Variants in CCDC171 observed in about 807,000 individuals in gnomAD.
CCDC171 encodes the protein coiled-coil domain-containing protein 171.
In CCDC171, 177 loss-of-function variants were observed where a neutral mutation model predicts 168.2. That is an observed-to-expected ratio of 1.05 (90% confidence interval 0.93 to 1.19). The LOEUF is 1.19. CCDC171 is among the 50% of genes most tolerant of loss of function. CCDC171 has a pLI of 0.00. For missense variants in CCDC171, 1,991 were observed against 1,539.0 expected (o/e 1.29, Z -4.91); for synonymous variants, 687 against 540.8 (o/e 1.27, Z -3.75).
intron 11 of CCDC171, among the ~76,000 whole-genome samples, chr9:15,698,759 C>G (rs2051431588): frequency 6.6e-6 from 1 of 152,020 alleles, no homozygotes; most frequent in South Asian, 2.1e-4. Context: ...TGCTGTGTTG[C>G]TCAGGATAGC....
intron 3 of CCDC171, among the ~76,000 whole-genome samples, 169 bp from the exon 4 acceptor site, chr9:15,578,680 G>A (rs1172417869): frequency 6.6e-6 from 1 of 151,516 alleles, no homozygotes; most frequent in Non-Finnish European, 1.5e-5. Context: ...AACATAATGG[G>A]TGTCATTTTG....
At chr9:15,908,763 G>A (rs2131788647) in intron 24 of CCDC171, among the ~76,000 whole-genome samples, 1 of 152,316 alleles carries the variant, frequency 6.6e-6, no homozygotes, top group Non-Finnish European at 1.5e-5. Context: ...GATTCTGGCA[G>A]AAGGTGAATG....
chr9:15,851,217 T>C (rs1478755821), intron 23 of CCDC171, among the ~76,000 whole-genome samples: 2 of 151,934 alleles, frequency 1.3e-5, no homozygotes, highest in African/African-American at 4.8e-5. Context: ...ATACTACAAC[T>C]ATATTACACA....
At chr9:15,579,057 GT>G in intron 4 of CCDC171, 34 bp downstream of exon 4, 1 of 1,558,586 alleles carries the variant, frequency 6.4e-7, no homozygotes, top group South Asian at 1.1e-5. Context: ...CAAGTTTAGG[GT>G]TGTAACCTGA....
chr9:15,593,960 C>A (rs1587242534), intron 5 of CCDC171, 81 bp from the exon 6 acceptor site: 6 of 896,804 alleles, frequency 6.7e-6, no homozygotes, highest in Non-Finnish European at 1.1e-5. Context: ...TAAGGAGAGC[C>A]TCTTTGTACA....
At position 15,973,054 on chromosome 9, in the gene CCDC171, C is replaced by T. The variant is rs887745126; in HGVS notation, c.*1218C>T. 1 of 152,252 alleles carries T rather than the reference C, an allele frequency of 6.6e-6. No homozygotes were observed. Among genetic ancestry groups the T allele is most frequent in the African/African-American group, 2.4e-5 (1 of 41,556 alleles). 9.4% of individuals were successfully genotyped at this position (152,252 alleles called of 1,614,324 possible). ...TCTTTATCGCCTTCAGAAGATCAGA[C>T]ATTGACATTGATTAAACTCTTTAAC... On this transcript the variant is annotated 3_prime_UTR_variant, in exon 26 of 26. Transcript: ENST00000380701.
chr9:15,811,816 A>G (rs562161412), intron 21 of CCDC171, among the ~76,000 whole-genome samples: 2 of 152,334 alleles, frequency 1.3e-5, no homozygotes, highest in South Asian at 4.1e-4. Flanking sequence ...GAATACAGAA[A>G]TGTTTACCTT....
chr9:15,822,144 C>A (rs377694967), intron 21 of CCDC171, among the ~76,000 whole-genome samples: 4 of 152,202 alleles, frequency 2.6e-5, no homozygotes, highest in South Asian at 2.1e-4. Flanking sequence ...AGAAAGCTGA[C>A]ACTGGATCCC....
intron 6 of CCDC171, among the ~76,000 whole-genome samples, chr9:15,620,775 T>C (rs1423429172): frequency 6.6e-6 from 1 of 152,186 alleles, no homozygotes; most frequent in Non-Finnish European, 1.5e-5. Flanking sequence ...AGTCAACCAA[T>C]GTAGCAAACT....
At chr9:15,808,411 A>C (rs904982360) in intron 21 of CCDC171, among the ~76,000 whole-genome samples, 2 of 152,230 alleles carry the variant, frequency 1.3e-5, no homozygotes, top group Admixed American at 6.5e-5. Context: ...TTAGACAAGA[A>C]GACAGAGGGG....
intron 21 of CCDC171, among the ~76,000 whole-genome samples, chr9:15,786,233 T>A (rs1418703241): frequency 2.0e-5 from 3 of 152,174 alleles, no homozygotes; most frequent in Non-Finnish European, 4.4e-5. Context: ...TGTACCTATA[T>A]ACTGTTTTGA....
At chr9:15,929,563 C>A (rs1262915721) in intron 25 of CCDC171, among the ~76,000 whole-genome samples, 1 of 151,708 alleles carries the variant, frequency 6.6e-6, no homozygotes, top group Non-Finnish European at 1.5e-5. Context: ...CCTCTACCAC[C>A]AATATTTAAT....
chr9:15,714,593 C>T (rs910588276), intron 11 of CCDC171, among the ~76,000 whole-genome samples: 6 of 152,074 alleles, frequency 3.9e-5, no homozygotes, highest in African/African-American at 7.2e-5. Flanking sequence ...GTTAATTCCT[C>T]CCCCCGGTAC....
At chr9:15,681,357 G>C (rs1297352835) in intron 10 of CCDC171, among the ~76,000 whole-genome samples, 1 of 152,112 alleles carries the variant, frequency 6.6e-6, no homozygotes, top group Admixed American at 6.5e-5. Flanking sequence ...ATGTGGCTCA[G>C]ACTGTTAATA....
At chr9:15,892,749 A>T (rs1327002450) in intron 24 of CCDC171, among the ~76,000 whole-genome samples, 1 of 152,164 alleles carries the variant, frequency 6.6e-6, no homozygotes, top group Non-Finnish European at 1.5e-5. Context: ...GACCTCTTCA[A>T]GGAAAACTAC....
At position 15,594,084 on chromosome 9, in the gene CCDC171, C is replaced by G. The variant is rs1347228824; in HGVS notation, c.587C>G (p.Ser196Cys). The G allele has an allele frequency of 1.3e-6, 2 of 1,583,866 alleles. No individual in the cohort carries two copies. The highest frequency in any genetic ancestry group is 3.4e-5 in the Admixed American group (2 of 58,000). ...CAACGGGAGAAGAATGAGATGGAGT[C>G]TCATATCAGGGAGACAGCATTGGAG... The part of the protein sequence containing the change: ...KHQREKNEME[S>C]HIRETALEEF... The change falls in exon 6 of 26, where the codon TCT becomes TGT. Residue 196 changes from serine (S) to cysteine (C), a missense_variant. Ser to Cys is a moderately radical substitution (Grantham distance 112). Coordinates refer to ENST00000380701, the MANE Select transcript of CCDC171 (RefSeq NM_173550.4).
At chr9:15,720,277 C>T (rs2053392414) in intron 11 of CCDC171, among the ~76,000 whole-genome samples, 1 of 152,098 alleles carries the variant, frequency 6.6e-6, no homozygotes, top group South Asian at 2.1e-4. Flanking sequence ...TTTATTACTG[C>T]CTTCCCCCAC....
chr9:15,699,691 C>T lies in CCDC171; in HGVS notation c.1318+4354C>T, dbSNP rs115902450. Among the ~76,000 whole-genome samples the T allele has an allele frequency of 2.9e-3, 444 of 152,218 alleles. 2 individuals are homozygous for T. Among genetic ancestry groups the T allele is most frequent in the African/African-American group, 9.5e-3 (396 of 41,550 alleles). On this transcript the variant is annotated intron_variant, in intron 11 of 25. Coordinates refer to ENST00000380701, the MANE Select transcript of CCDC171 (RefSeq NM_173550.4). ...GAATTCACAAACACTGAGCTAGACA[C>T]GGGGTACTGATTGGTGTGTTTACAA...
intron 16 of CCDC171, among the ~76,000 whole-genome samples, chr9:15,731,929 A>AT (rs376045602): frequency 7.2e-5 from 11 of 152,060 alleles, no homozygotes; most frequent in East Asian, 1.9e-4. Flanking sequence ...TTAAAGTTGC[A>AT]TTTTTTTGGT....
Sources: gnomAD v4.1 joint callset for allele counts (sites outside exome capture counted in the v4.1 genomes callset) on GRCh38, gnomAD v4.1.1 for gene constraint, MANE v1.5 for transcripts, NCBI Gene and HGNC (gene_info 2026-07-23, HGNC 2026-07-21) for gene names.